Variants in RARB observed in about 807,000 individuals in gnomAD.
RARB encodes retinoic acid receptor beta, also known as HBV-activated protein.
RARB carries 17 observed loss-of-function variants against 51.9 expected under a neutral mutation model. The ratio of observed to expected loss-of-function variants is 0.33; its 90% CI spans 0.22 to 0.49. The LOEUF (loss-of-function observed/expected upper bound fraction) is 0.49, where lower values mean the gene tolerates loss of function less well. Ranked by LOEUF, RARB falls within the 20% of genes least tolerant of loss-of-function variation. RARB has a pLI of 0.99. For missense variants in RARB, 369 were observed against 550.8 expected (o/e 0.67, Z 3.30); for synonymous variants, 215 against 195.4 (o/e 1.10, Z -0.84).
At chr3:25,202,936 A>C (rs1701433874) in intron 5 of RARB, among the ~76,000 whole-genome samples, 1 of 152,184 alleles carries the variant, frequency 6.6e-6, no homozygotes, top group Admixed American at 6.6e-5. Flanking sequence ...AGAGTTCTGT[A>C]GATGTCTATT....
intron 5 of RARB, among the ~76,000 whole-genome samples, chr3:25,240,335 A>G (rs899911257): frequency 1.3e-5 from 2 of 152,078 alleles, no homozygotes; most frequent in Non-Finnish European, 2.9e-5. Flanking sequence ...CTCATACCTG[A>G]TTGCTGTGAC....
chr3:25,159,464 C>A (rs1357506523), intron 4 of RARB, among the ~76,000 whole-genome samples: 1 of 149,940 alleles, frequency 6.7e-6, no homozygotes, highest in Non-Finnish European at 1.5e-5. Context: ...CAGGCGTGAG[C>A]CACCGTGCCC....
At position 25,468,183 on chromosome 3, in the gene RARB, C is replaced by T. The variant is rs186179830; in HGVS notation, c.306+6842C>T. ...CCTATCTGTAAAATGAAAGCAAATC[C>T]ACAAGTTTGAACCCAGTACCATGTC... On this transcript the variant is annotated intron_variant, in intron 2 of 7. Transcript: ENST00000330688. Among the ~76,000 whole-genome samples the T allele has an allele frequency of 2.6e-5, 4 of 152,162 alleles. No homozygotes were observed. The East Asian group carries it at 7.7e-4, about 29-fold the overall frequency.
chr3:24,978,902 T>C (rs1246296414), intron 2 of RARB, among the ~76,000 whole-genome samples: 1 of 152,198 alleles, frequency 6.6e-6, no homozygotes, highest in East Asian at 1.9e-4. Context: ...GCTATATATT[T>C]CCCTCTACAC....
At chr3:25,239,867 A>C (rs1702389097) in intron 5 of RARB, among the ~76,000 whole-genome samples, 1 of 152,104 alleles carries the variant, frequency 6.6e-6, no homozygotes, top group South Asian at 2.1e-4. Context: ...CTGAATCTGT[A>C]AGTTGCTTTG....
intron 5 of RARB, among the ~76,000 whole-genome samples, chr3:25,343,566 A>G (rs779196471): frequency 9.2e-5 from 14 of 152,128 alleles, no homozygotes; most frequent in Admixed American, 5.9e-4. Flanking sequence ...TGGAAAAGGA[A>G]ATTTTCCCAA....
chr3:25,357,854 T>C (rs527531456), intron 5 of RARB, among the ~76,000 whole-genome samples: 2 of 152,294 alleles, frequency 1.3e-5, no homozygotes, highest in African/African-American at 4.8e-5. Context: ...CCTGTTCTTT[T>C]CCATTGGTCT....
At chr3:25,361,628 T>C (rs1417188408) in intron 5 of RARB, among the ~76,000 whole-genome samples, 1 of 152,228 alleles carries the variant, frequency 6.6e-6, no homozygotes, top group Non-Finnish European at 1.5e-5. Context: ...TTATCTACCT[T>C]TGTTCTTTGC....
intron 3 of RARB, among the ~76,000 whole-genome samples, chr3:25,554,275 T>G (rs999429281): frequency 2.0e-5 from 3 of 151,528 alleles, no homozygotes; most frequent in East Asian, 1.9e-4. Context: ...ATTAATTGTT[T>G]TATTTTTTGT....
intron 3 of RARB, among the ~76,000 whole-genome samples, chr3:25,529,089 G>A (rs1294084516): frequency 6.6e-6 from 1 of 151,946 alleles, no homozygotes; most frequent in Non-Finnish European, 1.5e-5. Flanking sequence ...GGAGTAATTA[G>A]AATATTACAG....
chr3:25,487,511 A>T (rs1295125352), intron 2 of RARB, among the ~76,000 whole-genome samples: 1 of 151,074 alleles, frequency 6.6e-6, no homozygotes, highest in East Asian at 1.9e-4. Flanking sequence ...AGGACACCTA[A>T]TGCGGAATGG....
chr3:25,298,675 G>T (rs537627450), intron 5 of RARB, among the ~76,000 whole-genome samples: 1 of 152,252 alleles, frequency 6.6e-6, no homozygotes, highest in South Asian at 2.1e-4. Flanking sequence ...GTCTCAGGAG[G>T]TCAGATGCTT....
At position 25,053,381 on chromosome 3, in the gene RARB, C is replaced by T. The variant is rs143379464; in HGVS notation, c.-379-6744C>T. 2.4e-4 allele frequency among the ~76,000 whole-genome samples: 36 copies of T among 152,234 alleles called. No homozygotes were observed. In the East Asian group the frequency reaches 2.9e-3, roughly 12 times the overall value. On this transcript the variant is annotated intron_variant, in intron 2 of 11. Coordinates refer to the RARB transcript ENST00000383772. ...TTTCCTAGGGGTAAGAATTGGGTTC[C>T]GTTTATATCTGACACATCCTTAATC...
At chr3:24,849,105 T>C (rs1702522472) in intron 1 of RARB, among the ~76,000 whole-genome samples, 1 of 152,212 alleles carries the variant, frequency 6.6e-6, no homozygotes, top group Non-Finnish European at 1.5e-5. Context: ...ACTCTATATA[T>C]ATTATGTTTT....
Position 24,910,150 on chromosome 3 carries a change from C to G in RARB, c.-380+51398C>G, listed in dbSNP as rs549149737. Among the ~76,000 whole-genome samples the G allele has an allele frequency of 3.9e-5, 6 of 152,204 alleles. No homozygotes were observed. The South Asian group carries it at 1.2e-3, about 32-fold the overall frequency. ...GGCAGTCTGACTCTTCCTTTTTTTA[C>G]TCCACCATGTTTCTATTTTTTGCAA... On this transcript the variant is annotated intron_variant, in intron 2 of 11. Coordinates refer to the RARB transcript ENST00000383772.
At position 24,890,747 on chromosome 3, in the gene RARB, G is replaced by A. The variant is rs571594432; in HGVS notation, c.-380+31995G>A. Among the ~76,000 whole-genome samples, 11 of 152,232 alleles carry A rather than the reference G, an allele frequency of 7.2e-5. No homozygotes were observed. In the South Asian group the frequency reaches 2.3e-3, roughly 32 times the overall value. On this transcript the variant is annotated intron_variant, in intron 2 of 11. Coordinates refer to the RARB transcript ENST00000383772. ...CTTATACAAACCCTTGAATATAGAGGTCTCTGTTCTGTTCTTTCCTGGACA... is the reference window on the plus strand; with the variant it reads ...CTTATACAAACCCTTGAATATAGAGATCTCTGTTCTGTTCTTTCCTGGACA...
intron 5 of RARB, among the ~76,000 whole-genome samples, chr3:25,297,552 A>G (rs980701266): frequency 6.6e-6 from 1 of 151,964 alleles, no homozygotes; most frequent in Admixed American, 6.6e-5. Flanking sequence ...GTTTTCTTGT[A>G]ATCTGAAACA....
chr3:25,467,625 G>C (rs1202687414), intron 2 of RARB, among the ~76,000 whole-genome samples: 2 of 152,180 alleles, frequency 1.3e-5, no homozygotes, highest in African/African-American at 4.8e-5. Context: ...GACTAAGCTT[G>C]GATTCTATGG....
At chr3:25,547,312 C>T (rs1436447442) in intron 3 of RARB, among the ~76,000 whole-genome samples, 1 of 152,152 alleles carries the variant, frequency 6.6e-6, no homozygotes, top group African/African-American at 2.4e-5. Flanking sequence ...TGGTGAAAGG[C>T]CTGTCTGTAC....
Sources: gnomAD v4.1 joint callset for allele counts (sites outside exome capture counted in the v4.1 genomes callset) on GRCh38, gnomAD v4.1.1 for gene constraint, MANE v1.5 for transcripts, NCBI Gene and HGNC (gene_info 2026-07-23, HGNC 2026-07-21) for gene names.